The following CHL1 variants were observed in gnomAD, a reference collection of about 807,000 sequenced individuals.
The protein encoded by CHL1 is neural cell adhesion molecule L1-like protein.
Under a neutral mutation model 141.9 loss-of-function variants are expected in CHL1, and 96 were observed. That is an observed-to-expected ratio of 0.68 (90% CI 0.57 to 0.80). The LOEUF (loss-of-function observed/expected upper bound fraction) is 0.80. Among genes scored for constraint, CHL1 ranks in the 30% least tolerant of loss-of-function variants. The pLI is 0.00. For synonymous variants in CHL1, 613 were observed against 502.2 expected (o/e 1.22, Z -2.95); for missense variants, 1,820 against 1,457.2 (o/e 1.25, Z -4.05).
At chr3:288,501 T>C (rs1219078251) in intron 2 of CHL1, among the ~76,000 whole-genome samples, 1 of 152,052 alleles carries the variant, frequency 6.6e-6, no homozygotes, top group African/African-American at 2.4e-5. Context: ...AGTTTACAGA[T>C]CTACTGTTCC....
At chr3:379,794 TA>T (rs1447731016) in intron 16 of CHL1, among the ~76,000 whole-genome samples, 1 of 152,186 alleles carries the variant, frequency 6.6e-6, no homozygotes, top group East Asian at 1.9e-4. Context: ...ATATTATGTT[TA>T]AAATTTACAT....
intron 26 of CHL1, among the ~76,000 whole-genome samples, chr3:399,437 C>G (rs759083456): frequency 6.6e-6 from 1 of 152,010 alleles, no homozygotes; most frequent in Non-Finnish European, 1.5e-5. Context: ...GTCAGGAGAT[C>G]GAGACCATCC....
In CHL1 at chr3:257,691, A is replaced by T. The variant is rs62228337; in HGVS notation, c.-95+12999A>T. ...GAGACAGCAAACCTCAAAATCAGAG[A>T]TTCAGCTTGCCACAGGTCTATTTAA... On this transcript the variant is annotated intron_variant, in intron 2 of 27. Transcript: ENST00000256509. Among the ~76,000 whole-genome samples the T allele has an allele frequency of 2.2e-4, 33 of 152,200 alleles. No individual in the cohort carries two copies. In the East Asian group the frequency reaches 6.4e-3, roughly 29 times the overall value.
chr3:246,202 T>A (rs1162851404), intron 2 of CHL1, among the ~76,000 whole-genome samples: 1 of 152,036 alleles, frequency 6.6e-6, no homozygotes, highest in Non-Finnish European at 1.5e-5. Flanking sequence ...TATTAAATTT[T>A]AAAAAAGAGA....
chr3:336,703 T>C (rs868848320), intron 5 of CHL1, among the ~76,000 whole-genome samples: 1 of 152,234 alleles, frequency 6.6e-6, no homozygotes, highest in Non-Finnish European at 1.5e-5. Context: ...CCTATAGATA[T>C]AAATTCTGTT....
chr3:319,055 G>A (rs1345467950), intron 2 of CHL1, among the ~76,000 whole-genome samples: 6 of 151,124 alleles, frequency 4.0e-5, no homozygotes, highest in Non-Finnish European at 3.0e-5. Flanking sequence ...ATTAACTCAG[G>A]ACCAGAAAAC....
intron 3 of CHL1, among the ~76,000 whole-genome samples, chr3:323,038 C>T (rs145907891): frequency 9.2e-5 from 14 of 152,082 alleles, no homozygotes; most frequent in African/African-American, 3.1e-4. Flanking sequence ...TTCTGCTATG[C>T]GTCAAAGTAT....
Position 237,102 on chromosome 3 carries a change from T to C in CHL1, c.-174-7511T>C, listed in dbSNP as rs1418591238. ...TGGCTTCTAATATGGTTTGGCTCTG[T>C]GTTCTCACCTAAATCTTATCTCAAA... On this transcript the variant is annotated intron_variant, in intron 1 of 27. Coordinates refer to ENST00000256509, the MANE Select transcript of CHL1 (RefSeq NM_006614.4). Among the ~76,000 whole-genome samples the C allele has an allele frequency of 2.6e-5, 4 of 152,332 alleles. No individual in the cohort carries two copies. The East Asian group carries it at 7.7e-4, about 29-fold the overall frequency.
intron 2 of CHL1, among the ~76,000 whole-genome samples, chr3:283,237 C>T (rs1696821603): frequency 1.3e-5 from 2 of 152,220 alleles, no homozygotes; most frequent in African/African-American, 2.4e-5. Context: ...ATATCATTAG[C>T]ATTCAATGCA....
At chr3:372,220 C>A (rs1339841357) in intron 15 of CHL1, among the ~76,000 whole-genome samples, 1 of 152,156 alleles carries the variant, frequency 6.6e-6, no homozygotes, top group Non-Finnish European at 1.5e-5. Flanking sequence ...TGTTTCCATT[C>A]TACCCATCTC....
chr3:205,104 C>CTTTCT (rs59728908), intron 1 of CHL1, among the ~76,000 whole-genome samples: 37,693 of 128,820 alleles, frequency 0.29, 6,714 homozygotes, highest in East Asian at 0.46. Flanking sequence ...TTCTTTCTTT[C>CTTTCT]TTTTTTTTTT....
rs1044294948 is a variant in CHL1 at position 197,005 on chromosome 3, C to T, written c.-233C>T. On this transcript the variant is annotated 5_prime_UTR_variant, in exon 1 of 28. Coordinates refer to ENST00000256509, the MANE Select transcript of CHL1 (RefSeq NM_006614.4). Reference sequence around the variant, plus strand: ...CCCCCGTCCCGGCTCCCGGCCGGCTCGGGGGAGAAGGCGCCCGAGGGGAGG... The same window carrying T: ...CCCCCGTCCCGGCTCCCGGCCGGCTTGGGGGAGAAGGCGCCCGAGGGGAGG... 6.6e-6 allele frequency: 1 copy of T among 152,032 alleles called. No homozygotes were observed. The highest frequency in any genetic ancestry group is 1.5e-5 in the Non-Finnish European group (1 of 68,070). 9.4% of individuals were successfully genotyped at this position (152,032 alleles called of 1,614,324 possible). A position where few individuals can be genotyped will look rare whatever the true frequency, so the allele number is the denominator to read the frequency against.
chr3:382,099 G>T (rs927619157), intron 16 of CHL1, 80 bp from the exon 17 acceptor site: 3 of 1,235,652 alleles, frequency 2.4e-6, no homozygotes, highest in Non-Finnish European at 3.5e-6. Context: ...TCTGTCTCCG[G>T]GTAGCTGGCA....
chr3:246,885 G>C (rs1693222293), intron 2 of CHL1: 1 of 151,992 alleles, frequency 6.6e-6, no homozygotes, highest in African/African-American at 2.4e-5. Flanking sequence ...TTAAGTAGTT[G>C]AATGACAGGG....
chr3:378,723 C>CT (rs1258220386), intron 16 of CHL1, among the ~76,000 whole-genome samples: 2 of 152,198 alleles, frequency 1.3e-5, no homozygotes, highest in Non-Finnish European at 2.9e-5. Flanking sequence ...TCCCTGTGGA[C>CT]TGGCTGTGTC....
chr3:343,490 A>T (rs1488455872), intron 8 of CHL1, among the ~76,000 whole-genome samples: 1 of 152,134 alleles, frequency 6.6e-6, no homozygotes, highest in Non-Finnish European at 1.5e-5. Context: ...AGAAAAAAAC[A>T]GTTTGTAGCA....
intron 19 of CHL1, among the ~76,000 whole-genome samples, chr3:386,700 G>A (rs1007508179): frequency 2.0e-5 from 3 of 151,990 alleles, no homozygotes; most frequent in African/African-American, 7.2e-5. Context: ...TTAATTACCT[G>A]GTTATATAAT....
chr3:291,021 C>T (rs1697645029), intron 2 of CHL1, among the ~76,000 whole-genome samples: 1 of 151,616 alleles, frequency 6.6e-6, no homozygotes, highest in Non-Finnish European at 1.5e-5. Context: ...TTTAATTTTG[C>T]TTAATAACAT....
intron 23 of CHL1, among the ~76,000 whole-genome samples, chr3:392,282 C>A (rs1328608421): frequency 6.6e-6 from 1 of 152,202 alleles, no homozygotes; most frequent in Non-Finnish European, 1.5e-5. Flanking sequence ...TAGGTACCTT[C>A]CACGCTACCT....
Sources: allele counts gnomAD v4.1 joint callset (sites outside exome capture counted in the v4.1 genomes callset), GRCh38; gene constraint gnomAD v4.1.1; transcripts MANE v1.5; gene names NCBI Gene and HGNC (gene_info 2026-07-23, HGNC 2026-07-21).